HRH1: variants seen among roughly 807,000 people sequenced by gnomAD.
HRH1 encodes histamine receptor H1, also known as histamine H1 receptor.
In HRH1, 6 loss-of-function variants were observed where a neutral mutation model predicts 10.3. The ratio of observed to expected loss-of-function variants is 0.58; its 90% CI spans 0.32 to 1.15. HRH1 has a LOEUF of 1.15. HRH1 is among the 50% of genes most tolerant of loss of function. The pLI, the probability that HRH1 is intolerant of heterozygous loss-of-function variation, is 0.05. For synonymous variants in HRH1, 242 were observed against 236.7 expected, an observed-to-expected ratio of 1.02 and a Z score of -0.21; for missense variants, 514 against 615.3, an observed-to-expected ratio of 0.84 and a Z score of 1.74.
chr3:11,248,089 G>T (rs1939537858), intron 1 of HRH1, among the ~76,000 whole-genome samples: 2 of 152,220 alleles, frequency 1.3e-5, no homozygotes, highest in South Asian at 4.1e-4. Context: ...TTCCATCGGG[G>T]GCGGTGTTAT....
chr3:11,138,792 G>A (rs949555729), intron 1 of HRH1, among the ~76,000 whole-genome samples: 55 of 140,502 alleles, frequency 3.9e-4, no homozygotes, highest in Middle Eastern at 3.9e-3. Context: ...CTCCCACCTC[G>A]GCCTCCCAAG....
intron 1 of HRH1, among the ~76,000 whole-genome samples, chr3:11,169,396 G>T (rs985764683): frequency 6.6e-6 from 1 of 152,152 alleles, no homozygotes; most frequent in African/African-American, 2.4e-5. Context: ...TCATGGAAAC[G>T]AAGAGATGGG....
At chr3:11,195,715 A>G (rs1937628571) in intron 1 of HRH1, among the ~76,000 whole-genome samples, 1 of 152,182 alleles carries the variant, frequency 6.6e-6, no homozygotes, top group Admixed American at 6.5e-5. Flanking sequence ...GGAGCTCCTC[A>G]TAGGGATACA....
chr3:11,154,003 GA>G (rs1936714222), upstream of HRH1, among the ~76,000 whole-genome samples: 1 of 152,180 alleles, frequency 6.6e-6, no homozygotes, highest in African/African-American at 2.4e-5. This position sits in a 1 kb window ranked among gnomAD's most constrained non-coding sequence, Gnocchi z 4.4. Context: ...TAGCAGGAAT[GA>G]GGGGCGCAGG....
chr3:11,173,496 G>A (rs1267908677), intron 1 of HRH1, among the ~76,000 whole-genome samples: 3 of 151,598 alleles, frequency 2.0e-5, no homozygotes, highest in Non-Finnish European at 2.9e-5. Context: ...TCCTCCTCCC[G>A]GGTTCATGCC....
chr3:11,196,067 C>T (rs1937639278), intron 1 of HRH1, among the ~76,000 whole-genome samples: 1 of 152,232 alleles, frequency 6.6e-6, no homozygotes, highest in Admixed American at 6.5e-5. Flanking sequence ...TTTCCTGCAG[C>T]CAGAGTGATC....
chr3:11,232,688 T>C (rs1559280217), intron 1 of HRH1, among the ~76,000 whole-genome samples: 1 of 152,250 alleles, frequency 6.6e-6, no homozygotes, highest in Non-Finnish European at 1.5e-5. Context: ...GATATTTTGA[T>C]AAGAATTGTA....
In HRH1 at chr3:11,262,413, C is replaced by T. The variant is rs912549859; in HGVS notation, c.*1912C>T. The T allele has an allele frequency of 1.8e-5, 3 of 167,096 alleles. No homozygotes were observed. Among genetic ancestry groups the T allele is most frequent in the African/African-American group, 7.2e-5 (3 of 41,464 alleles). 10.4% of individuals were successfully genotyped at this position (167,096 alleles called of 1,614,324 possible). A position where few individuals can be genotyped will look rare whatever the true frequency, so the allele number is the denominator to read the frequency against. The stretch of plus-strand genomic sequence containing the variant: ...GGGCTTTCTCTTTGGTTTCTCATCA[C>T]ATTTGTAAATGTCTTTTCAAAAGGA... On this transcript the variant is annotated 3_prime_UTR_variant, in exon 2 of 2. Transcript: ENST00000431010.
chr3:11,234,128 G>A (rs1939112408), intron 1 of HRH1: 5 of 629,900 alleles, frequency 7.9e-6, no homozygotes, highest in Non-Finnish European at 2.7e-6. Flanking sequence ...ATCAAAATAA[G>A]TTATTTTGTA....
rs141433000 is a variant in HRH1 at position 11,250,620 on chromosome 3, G to A, written c.-35-8383G>A. Among the ~76,000 whole-genome samples, 739 of 152,296 alleles carry A rather than the reference G, an allele frequency of 4.9e-3. 10 individuals carry two copies. The highest frequency in any genetic ancestry group is 0.016 in the African/African-American group (680 of 41,554). ...GCCTTGAGTCCTGAGGGAGGAAAGG[G>A]TAGAAGATAGACCTAACACATAGTT... On this transcript the variant is annotated intron_variant, in intron 1 of 1. Transcript: ENST00000431010.
chr3:11,244,836 AG>A (rs1418251121), intron 1 of HRH1, among the ~76,000 whole-genome samples: 1 of 152,202 alleles, frequency 6.6e-6, no homozygotes, highest in Non-Finnish European at 1.5e-5. Context: ...GTAGTAGTTC[AG>A]GGTGCATGTT....
At chr3:11,216,043 A>T (rs990985706) in intron 1 of HRH1, among the ~76,000 whole-genome samples, 1 of 152,132 alleles carries the variant, frequency 6.6e-6, no homozygotes, top group Non-Finnish European at 1.5e-5. Context: ...CTGGACTTGC[A>T]TGTAGTTCCC....
At chr3:11,144,116 T>G (rs560285507) in intron 1 of HRH1, among the ~76,000 whole-genome samples, 2 of 152,194 alleles carry the variant, frequency 1.3e-5, no homozygotes, top group African/African-American at 4.8e-5. Context: ...TGTAAATCAG[T>G]ACAACCTCTA....
At position 11,176,168 on chromosome 3, in the gene HRH1, C is replaced by CAAAAAA. The variant is rs3082255; in HGVS notation, c.-36+21623_-36+21628dup. On this transcript the variant is annotated intron_variant, in intron 1 of 1. Transcript: ENST00000431010. The stretch of plus-strand genomic sequence containing the variant: ...TGGATAACAGAGTGAGAACCTGTCT[C>CAAAAAA]AAAAAAAAAAAAAAGAGAGAAATTC... Among the ~76,000 whole-genome samples the CAAAAAA allele has an allele frequency of 2.5e-3, 295 of 120,020 alleles. 3 individuals carry two copies. The highest frequency in any genetic ancestry group is 8.6e-3 in the African/African-American group (282 of 32,810). The allele number at this position is 120,020 out of a possible 152,430, so 78.7% of individuals were successfully genotyped here. A position where few individuals can be genotyped will look rare whatever the true frequency, so the allele number is the denominator to read the frequency against.
At chr3:11,153,560 G>A (rs373621918), upstream of HRH1, among the ~76,000 whole-genome samples, 4 of 149,204 alleles carry the variant, frequency 2.7e-5, no homozygotes, top group South Asian at 8.5e-4. Context: ...TGTGAGCTTA[G>A]GTGGTCCCTT....
At chr3:11,254,460 G>A (rs757414957) in intron 1 of HRH1, among the ~76,000 whole-genome samples, 11 of 152,258 alleles carry the variant, frequency 7.2e-5, no homozygotes, top group Middle Eastern at 3.4e-3. Context: ...CAACCTCCAG[G>A]ATGTCCTGAC....
At chr3:11,248,085 C>T (rs539116355) in intron 1 of HRH1, among the ~76,000 whole-genome samples, 1 of 152,090 alleles carries the variant, frequency 6.6e-6, no homozygotes. Context: ...ATTGTTCCAT[C>T]GGGGGCGGTG....
At chr3:11,231,474 T>TCA (rs542537683) in intron 1 of HRH1, among the ~76,000 whole-genome samples, 34 of 152,364 alleles carry the variant, frequency 2.2e-4, no homozygotes, top group African/African-American at 6.7e-4. Context: ...GTGACACAGT[T>TCA]TCTCTGCAGT....
intron 1 of HRH1, among the ~76,000 whole-genome samples, chr3:11,243,205 C>T (rs1185437570): frequency 6.6e-6 from 1 of 152,200 alleles, no homozygotes. Flanking sequence ...TGAGCCCCTG[C>T]GCCCGACCCT....
Sources: gnomAD v4.1 joint callset for allele counts (sites outside exome capture counted in the v4.1 genomes callset) on GRCh38, gnomAD v4.1.1 for gene constraint, Gnocchi (gnomAD v3.1) non-coding constraint, MANE v1.5 for transcripts, NCBI Gene and HGNC (gene_info 2026-07-23, HGNC 2026-07-21) for gene names.